ENDOD1: variants seen among roughly 807,000 people sequenced by gnomAD.
ENDOD1 encodes the protein endonuclease domain containing 1, also known as endonuclease domain-containing 1 protein.
ENDOD1 carries 9 observed loss-of-function variants against 6.5 expected under a neutral mutation model. That is an observed-to-expected ratio of 1.39 (90% CI 0.84 to 2.43). ENDOD1 has a LOEUF of 2.43. Ranked by LOEUF, ENDOD1 falls within the 30% of genes most tolerant of loss-of-function variation. ENDOD1 has a pLI of 0.00. For synonymous variants in ENDOD1, 255 were observed against 255.2 expected (o/e 1.00, Z 0.01); for missense variants, 648 against 635.5 (o/e 1.02, Z -0.21).
At chr11:95,112,253 C>T (rs1859158586) in intron 1 of ENDOD1, among the ~76,000 whole-genome samples, 1 of 152,238 alleles carries the variant, frequency 6.6e-6, no homozygotes, top group African/African-American at 2.4e-5. Flanking sequence ...CTTTATCCTC[C>T]TGTTCTCTCA....
intron 1 of ENDOD1, among the ~76,000 whole-genome samples, chr11:95,109,943 G>A (rs1444507302): frequency 1.3e-5 from 2 of 152,208 alleles, no homozygotes; most frequent in Admixed American, 1.3e-4. Context: ...ACCACACCTA[G>A]GCCAGTTCTT....
At position 95,129,804 on chromosome 11, in the gene ENDOD1, G is replaced by A; in HGVS notation, c.*225G>A. 1.9e-6 allele frequency: 1 copy of A among 520,160 alleles called. No individual in the cohort carries two copies. Among genetic ancestry groups the A allele is most frequent in the Non-Finnish European group, 3.4e-6 (1 of 291,984 alleles). 32.2% of individuals were successfully genotyped at this position (520,160 alleles called of 1,614,324 possible). ...CTGCTGTTTACCTCCAGTTATATGTGCAAACTCCCAAGCCACTAATAACTT... is the reference window on the plus strand; with the variant it reads ...CTGCTGTTTACCTCCAGTTATATGTACAAACTCCCAAGCCACTAATAACTT... On this transcript the variant is annotated 3_prime_UTR_variant, in exon 2 of 2. Coordinates refer to ENST00000278505, the MANE Select transcript of ENDOD1 (RefSeq NM_015036.3).
intron 1 of ENDOD1, among the ~76,000 whole-genome samples, chr11:95,112,346 A>C (rs976705576): frequency 5.9e-5 from 9 of 152,124 alleles, no homozygotes; most frequent in African/African-American, 2.2e-4. Context: ...GGAGCTTTGA[A>C]ATCAGAGAAG....
intron 1 of ENDOD1, among the ~76,000 whole-genome samples, chr11:95,107,801 C>G (rs782430483): frequency 3.9e-5 from 6 of 152,168 alleles, no homozygotes; most frequent in Non-Finnish European, 8.8e-5. Flanking sequence ...GCTGGGATTA[C>G]AGGCGCGCGC....
At chr11:95,124,523 G>A (rs918785160) in intron 1 of ENDOD1, among the ~76,000 whole-genome samples, 1 of 151,842 alleles carries the variant, frequency 6.6e-6, no homozygotes, top group African/African-American at 2.4e-5. Flanking sequence ...GAAAGCAGGG[G>A]AAGGGGAGGG....
At chr11:95,109,339 G>A (rs1480074430) in intron 1 of ENDOD1, among the ~76,000 whole-genome samples, 1 of 152,198 alleles carries the variant, frequency 6.6e-6, no homozygotes, top group Admixed American at 6.5e-5. Flanking sequence ...TTTCCTTGCA[G>A]CAGATCAAGG....
intron 1 of ENDOD1, among the ~76,000 whole-genome samples, chr11:95,111,257 C>T (rs897066205): frequency 9.2e-5 from 14 of 152,262 alleles, no homozygotes; most frequent in African/African-American, 3.4e-4. Context: ...TCCTCCAACC[C>T]ATTGCCTTCT....
rs781429607 is a variant in ENDOD1 at position 95,130,877 on chromosome 11, A to G, written c.*1298A>G. The G allele has an allele frequency of 3.3e-5, 5 of 152,254 alleles. No homozygotes were observed. The highest frequency in any genetic ancestry group is 3.8e-4 in the East Asian group (2 of 5,200). The allele number at this position is 152,254 out of a possible 1,614,324, so 9.4% of individuals were successfully genotyped here. On this transcript the variant is annotated 3_prime_UTR_variant, in exon 2 of 2. Coordinates refer to ENST00000278505, the MANE Select transcript of ENDOD1 (RefSeq NM_015036.3). ...GAGGGACCAAACTTTGCTTCCCACA[A>G]TTGGGATGGAATCACCTGGATTTTT... is the stretch of plus-strand genomic sequence containing the variant.
intron 1 of ENDOD1, among the ~76,000 whole-genome samples, chr11:95,102,366 C>T (rs1303124949): frequency 7.7e-6 from 1 of 129,518 alleles, no homozygotes; most frequent in Non-Finnish European, 1.6e-5. Context: ...CTCTTTCCTG[C>T]TTAAAAAAAA....
chr11:95,091,301 G>A (rs918129519), intron 1 of ENDOD1, among the ~76,000 whole-genome samples: 4 of 152,214 alleles, frequency 2.6e-5, no homozygotes, highest in Non-Finnish European at 4.4e-5. Flanking sequence ...GCTTTCAGGT[G>A]CTTTATTCAG....
In ENDOD1 at chr11:95,130,352, T is replaced by A. The variant is rs1859359481; in HGVS notation, c.*773T>A. The A allele has an allele frequency of 6.6e-6, 1 of 151,464 alleles. No homozygotes were observed. 9.4% of individuals were successfully genotyped at this position (151,464 alleles called of 1,614,324 possible). A position where few individuals can be genotyped will look rare whatever the true frequency, so the allele number is the denominator to read the frequency against. Reference sequence around the variant, plus strand: ...TTTTTTTTGGGCCCCTTGAATGGTATAATACAGTCCTCTCCGGTGGAAAGA... The same window carrying A: ...TTTTTTTTGGGCCCCTTGAATGGTAAAATACAGTCCTCTCCGGTGGAAAGA... On this transcript the variant is annotated 3_prime_UTR_variant, in exon 2 of 2. Coordinates refer to ENST00000278505, the MANE Select transcript of ENDOD1 (RefSeq NM_015036.3).
chr11:95,119,964 T>C (rs2134172458), intron 1 of ENDOD1, among the ~76,000 whole-genome samples: 1 of 152,332 alleles, frequency 6.6e-6, no homozygotes, highest in South Asian at 2.1e-4. Flanking sequence ...CACCACAGTC[T>C]TTCAGGGAGT....
intron 1 of ENDOD1, among the ~76,000 whole-genome samples, chr11:95,103,100 G>GT (rs1555111075): frequency 0.12 from 10,579 of 85,504 alleles, 497 homozygotes; most frequent in African/African-American, 0.15. Flanking sequence ...AGGCAGAGTG[G>GT]GTGTGTGTGT....
intron 1 of ENDOD1, among the ~76,000 whole-genome samples, chr11:95,104,447 TAAAAAAAA>T: frequency 7.6e-6 from 1 of 131,110 alleles, no homozygotes; most frequent in African/African-American, 2.9e-5. Flanking sequence ...GACCCTGTCT[TAAAAAAAA>T]AAAAAAAAAA....
chr11:95,095,054 C>A (rs1858970754), intron 1 of ENDOD1, among the ~76,000 whole-genome samples: 1 of 152,076 alleles, frequency 6.6e-6, no homozygotes, highest in South Asian at 2.1e-4. Context: ...CACACACACA[C>A]ACACACACAC....
chr11:95,101,585 G>C (rs1859041592), intron 1 of ENDOD1, among the ~76,000 whole-genome samples: 1 of 152,092 alleles, frequency 6.6e-6, no homozygotes, highest in Non-Finnish European at 1.5e-5. Context: ...TTTCAGAACT[G>C]TATAAAGAAA....
At chr11:95,113,847 G>A (rs58725292) in intron 1 of ENDOD1, among the ~76,000 whole-genome samples, 1 of 152,094 alleles carries the variant, frequency 6.6e-6, no homozygotes, top group Admixed American at 6.6e-5. Flanking sequence ...GAGAACCAAA[G>A]TGTTCTCCAT....
rs1859353922 is a variant in ENDOD1 at position 95,129,850 on chromosome 11, G to A, written c.*271G>A. On this transcript the variant is annotated 3_prime_UTR_variant, in exon 2 of 2. Coordinates refer to ENST00000278505, the MANE Select transcript of ENDOD1 (RefSeq NM_015036.3). ...AACTTCAGTTATGCACTCTAACACA[G>A]ACGACCACCTGAAATGCACTGGTAT... The A allele has an allele frequency of 5.9e-6, 2 of 338,502 alleles. No individual in the cohort carries two copies. The highest frequency in any genetic ancestry group is 1.1e-5 in the Non-Finnish European group (2 of 185,156). The allele number at this position is 338,502 out of a possible 1,614,324, so 21.0% of individuals were successfully genotyped here. A position where few individuals can be genotyped will look rare whatever the true frequency, so the allele number is the denominator to read the frequency against.
chr11:95,102,927 G>C (rs1859054657), intron 1 of ENDOD1, among the ~76,000 whole-genome samples: 1 of 152,134 alleles, frequency 6.6e-6, no homozygotes, highest in South Asian at 2.1e-4. Context: ...TCAGATGAGA[G>C]CGACTCATAA....
Sources: allele counts gnomAD v4.1 joint callset (sites outside exome capture counted in the v4.1 genomes callset), GRCh38; gene constraint gnomAD v4.1.1; transcripts MANE v1.5; gene names NCBI Gene and HGNC (gene_info 2026-07-23, HGNC 2026-07-21).